RBM26: variants seen among roughly 807,000 people sequenced by gnomAD.
RBM26 encodes RNA binding motif protein 26.
RBM26 carries 30 observed loss-of-function variants against 123.6 expected under a neutral mutation model. The ratio of observed to expected loss-of-function variants is 0.24; its 90% CI spans 0.18 to 0.33. RBM26 has a LOEUF of 0.33. RBM26 is among the 10% of genes least tolerant of loss of function. The pLI, the probability that RBM26 is intolerant of heterozygous loss-of-function variation, is 1.00. For missense variants in RBM26, 947 were observed against 1,203.6 expected (o/e 0.79, Z 3.15); for synonymous variants, 400 against 404.4 (o/e 0.99, Z 0.13).
chr13:79,360,430 G>T (rs1392107654), intron 9 of RBM26, among the ~76,000 whole-genome samples: 2 of 151,796 alleles, frequency 1.3e-5, no homozygotes, highest in Non-Finnish European at 2.9e-5. Flanking sequence ...GATTCTGTAG[G>T]TCACTTCTTT....
chr13:79,375,359 C>T (rs1287227949), intron 3 of RBM26, among the ~76,000 whole-genome samples: 1 of 151,392 alleles, frequency 6.6e-6, no homozygotes, highest in Non-Finnish European at 1.5e-5. Context: ...TTAGTAGCGA[C>T]AGGGTTTCAC....
chr13:79,348,206 G>T (rs578011728), intron 14 of RBM26, among the ~76,000 whole-genome samples: 54 of 152,104 alleles, frequency 3.6e-4, no homozygotes, highest in African/African-American at 8.9e-4. Flanking sequence ...GACAGATGTT[G>T]GTCTGTAATT....
chr13:79,339,817 CT>C (rs2071066987), intron 18 of RBM26, among the ~76,000 whole-genome samples: 1 of 152,054 alleles, frequency 6.6e-6, no homozygotes, highest in Admixed American at 6.5e-5. Context: ...GCCTAAGAAC[CT>C]TTTTTCACCA....
At chr13:79,397,456 A>G (rs1054076247) in intron 1 of RBM26, among the ~76,000 whole-genome samples, 2 of 151,886 alleles carry the variant, frequency 1.3e-5, no homozygotes, top group Non-Finnish European at 2.9e-5. Flanking sequence ...CAGGCGGATC[A>G]TGAGGTCAGG....
intron 18 of RBM26, among the ~76,000 whole-genome samples, chr13:79,339,046 A>G (rs2070939153): frequency 6.6e-6 from 1 of 152,196 alleles, no homozygotes; most frequent in African/African-American, 2.4e-5. Context: ...ACAGCTGCCA[A>G]ATCTCTGCTA....
At chr13:79,333,118 C>A (rs577794976) in intron 20 of RBM26, among the ~76,000 whole-genome samples, 1 of 152,188 alleles carries the variant, frequency 6.6e-6, no homozygotes, top group South Asian at 2.1e-4. Context: ...CTTAACAATA[C>A]CCTGGAGAGA....
Position 79,353,218 on chromosome 13 carries a change from T to C in RBM26, c.1993A>G (p.Thr665Ala). 1.3e-6 allele frequency: 2 copies of C among 1,567,898 alleles called. No individual in the cohort carries two copies. The highest frequency in any genetic ancestry group is 1.7e-6 in the Non-Finnish European group (2 of 1,152,524). The change falls in exon 14 of 22, where the codon ACT becomes GCT. Residue 665 changes from threonine (T) to alanine (A), a missense_variant. Thr to Ala is a moderately conservative substitution (Grantham distance 58). This residue lies in a region of RBM26 where 493 missense variants were observed against 563.1 expected (regional missense o/e 0.88). Transcript: ENST00000438737. ...AACCTGTCCTTCACAGATAACTTAGTTACATTCTAAAAAAATTAAAATGGA... is the reference window on the plus strand; with the variant it reads ...AACCTGTCCTTCACAGATAACTTAGCTACATTCTAAAAAAATTAAAATGGA... ...SASSDLPQNV[T>A]KLSVKDRLGF...
chr13:79,357,858 A>G (rs897089389), intron 11 of RBM26, among the ~76,000 whole-genome samples: 1 of 150,164 alleles, frequency 6.7e-6, no homozygotes, highest in East Asian at 2.0e-4. Context: ...TTTCATGTCC[A>G]ATTTTCCCAA....
At position 79,365,572 on chromosome 13, in the gene RBM26, T is replaced by G; in HGVS notation, c.1417+6A>C. On this transcript the variant is annotated splice_donor_region_variant and intron_variant, in intron 9 of 21. Transcript: ENST00000438737. Reference sequence around the variant, plus strand: ...AATGACAGGAAGGAAAGATTAATTATAGTACCTCTGGGTGGCAAATCCATA... The same window carrying G: ...AATGACAGGAAGGAAAGATTAATTAGAGTACCTCTGGGTGGCAAATCCATA... 1 of 1,607,228 alleles carries G rather than the reference T, an allele frequency of 6.2e-7. No homozygotes were observed. Among genetic ancestry groups the G allele is most frequent in the Non-Finnish European group, 8.5e-7 (1 of 1,175,880 alleles).
rs766412287 is a variant in RBM26, at chr13:79,365,637, T to C, written c.1358A>G (p.His453Arg). ...TSRPMYRHRV[H>R]AQRPNLIGLT... ...TCCTATCAAGTTGGGCCTTTGTGCA[T>C]GCACTCTGTGTCTATACATAGGTCT... Residue 453 changes from histidine (H) to arginine (R), a missense_variant, in exon 9 of 22, where the codon CAT becomes CGT. Coordinates refer to ENST00000438737, the MANE Select transcript of RBM26 (RefSeq NM_001366735.2). 2.5e-6 allele frequency: 4 copies of C among 1,613,966 alleles called. No homozygotes were observed. The highest frequency in any genetic ancestry group is 3.4e-6 in the Non-Finnish European group (4 of 1,179,850).
At chr13:79,382,417 T>C (rs185674234) in intron 1 of RBM26, among the ~76,000 whole-genome samples, 69 of 152,146 alleles carry the variant, frequency 4.5e-4, no homozygotes, top group African/African-American at 1.6e-3. Flanking sequence ...AGACCTGAAA[T>C]TGCCTTATAG....
intron 17 of RBM26, 109 bp downstream of exon 17, chr13:79,342,555 G>A (rs1489522979): frequency 1.2e-6 from 1 of 827,974 alleles, no homozygotes; most frequent in African/African-American, 1.7e-5. Context: ...ACATACAATG[G>A]TCAGATTTTG....
intron 3 of RBM26, among the ~76,000 whole-genome samples, chr13:79,372,259 C>T (rs867591766): frequency 6.6e-6 from 1 of 151,832 alleles, no homozygotes; most frequent in Admixed American, 6.6e-5. Flanking sequence ...CCAGCCTGGG[C>T]GACAGAGTGA....
chr13:79,403,201 A>C (rs1555349939), intron 1 of RBM26, among the ~76,000 whole-genome samples: 2 of 152,224 alleles, frequency 1.3e-5, no homozygotes, highest in African/African-American at 4.8e-5. Context: ...ATCATACAAA[A>C]GAATCCACCT....
intron 3 of RBM26, 122 bp from the exon 4 acceptor site, chr13:79,372,052 G>T (rs916676469): frequency 9.0e-6 from 6 of 666,482 alleles, no homozygotes; most frequent in Non-Finnish European, 1.3e-5. Flanking sequence ...AGGCTGAGGC[G>T]GGTGGTTCAC....
intron 2 of RBM26, 52 bp downstream of exon 2, chr13:79,378,737 G>A: frequency 8.7e-7 from 1 of 1,154,736 alleles, no homozygotes; most frequent in Non-Finnish European, 1.3e-6. Flanking sequence ...ACCATGCCAA[G>A]CCTTAAATAA....
intron 14 of RBM26, among the ~76,000 whole-genome samples, chr13:79,348,330 TAA>T (rs2072663282): frequency 6.6e-6 from 1 of 152,082 alleles, no homozygotes; most frequent in South Asian, 2.1e-4. Context: ...TTATTTTCCC[TAA>T]AGAGAGGGAG....
intron 19 of RBM26, among the ~76,000 whole-genome samples, chr13:79,335,805 T>TA (rs1229367177): frequency 6.6e-6 from 1 of 152,172 alleles, no homozygotes; most frequent in Non-Finnish European, 1.5e-5. Context: ...CATTCATTGT[T>TA]AGTTTCCTGA....
At chr13:79,381,525 T>G (rs937039221) in intron 1 of RBM26, among the ~76,000 whole-genome samples, 1 of 152,078 alleles carries the variant, frequency 6.6e-6, no homozygotes, top group African/African-American at 2.4e-5. Flanking sequence ...GTTTGATTGT[T>G]GTGGTGAATT....
Sources: allele counts gnomAD v4.1 joint callset (sites outside exome capture counted in the v4.1 genomes callset), GRCh38; gene constraint gnomAD v4.1.1; regional missense constraint gnomAD v4.1.1; transcripts MANE v1.5; gene names NCBI Gene and HGNC (gene_info 2026-07-23, HGNC 2026-07-21).